The following LRP1B variants were observed in gnomAD, a reference collection of about 807,000 sequenced individuals.
The protein encoded by LRP1B is low-density lipoprotein receptor-related protein 1B.
LRP1B carries 217 observed loss-of-function variants against 556.6 expected under a neutral mutation model. That is an observed-to-expected ratio of 0.39 (90% CI 0.35 to 0.44). LRP1B has a LOEUF of 0.44. Among genes scored for constraint, LRP1B ranks in the 20% least tolerant of loss-of-function variants. The pLI, the probability that LRP1B is intolerant of heterozygous loss-of-function variation, is 1.00. For missense variants in LRP1B, 5,053 were observed against 5,620.8 expected (o/e 0.90, Z 3.23); for synonymous variants, 2,047 against 1,865.8 (o/e 1.10, Z -2.50).
intron 37 of LRP1B, among the ~76,000 whole-genome samples, chr2:140,713,909 C>T (rs1687122714): frequency 2.6e-5 from 4 of 152,088 alleles, no homozygotes; most frequent in African/African-American, 9.7e-5. Flanking sequence ...TTACTACCTG[C>T]TCTAATTATA....
chr2:141,342,272 A>AT (rs1459259689), intron 3 of LRP1B, among the ~76,000 whole-genome samples: 227 of 96,498 alleles, frequency 2.4e-3, no homozygotes, highest in African/African-American at 9.8e-3. Flanking sequence ...ATAAATAAAA[A>AT]TAAAATAAAT....
At chr2:140,672,440 C>T (rs1469042498) in intron 41 of LRP1B, among the ~76,000 whole-genome samples, 4 of 140,404 alleles carry the variant, frequency 2.8e-5, no homozygotes, top group African/African-American at 1.1e-4. Flanking sequence ...GCAGAAATCG[C>T]ACCATTGCAC....
At chr2:141,074,593 A>C (rs79125301) in intron 7 of LRP1B, among the ~76,000 whole-genome samples, 12,337 of 89,676 alleles carry the variant, frequency 0.14, 622 homozygotes, top group East Asian at 0.26. Flanking sequence ...CTCTCTCTAT[A>C]TATATATATA....
chr2:141,916,275 A>G (rs2104962891), intron 1 of LRP1B, among the ~76,000 whole-genome samples: 1 of 152,336 alleles, frequency 6.6e-6, no homozygotes, highest in Non-Finnish European at 1.5e-5. Flanking sequence ...TTGCAGCACC[A>G]TGGATGCACC....
chr2:140,297,581 G>A (rs1270059080), intron 84 of LRP1B, among the ~76,000 whole-genome samples: 1 of 152,108 alleles, frequency 6.6e-6, no homozygotes, highest in African/African-American at 2.4e-5. Context: ...TGTACACAGG[G>A]AATGGTTATA....
At chr2:140,839,479 G>A (rs1035979281) in intron 31 of LRP1B, among the ~76,000 whole-genome samples, 2 of 152,118 alleles carry the variant, frequency 1.3e-5, no homozygotes, top group African/African-American at 4.8e-5. Flanking sequence ...GTAAAAGCAG[G>A]CAGAGAAACA....
intron 7 of LRP1B, among the ~76,000 whole-genome samples, chr2:141,171,501 G>C (rs745824519): frequency 6.6e-6 from 1 of 151,994 alleles, no homozygotes; most frequent in Non-Finnish European, 1.5e-5. Flanking sequence ...TACAAACTTA[G>C]AGCTGTCTCA....
chr2:141,040,645 G>T (rs1194932554), intron 11 of LRP1B, among the ~76,000 whole-genome samples: 1 of 151,972 alleles, frequency 6.6e-6, no homozygotes, highest in Admixed American at 6.6e-5. Context: ...GTGTATGTGT[G>T]TGTCTGTGTG....
intron 7 of LRP1B, among the ~76,000 whole-genome samples, chr2:141,084,736 G>A (rs748446440): frequency 1.0e-4 from 15 of 149,708 alleles, no homozygotes; most frequent in Admixed American, 6.7e-4. Flanking sequence ...TGCAAGCTCC[G>A]CTTCCCGGGT....
chr2:141,538,869 C>T (rs571828530), intron 2 of LRP1B, among the ~76,000 whole-genome samples: 36 of 148,266 alleles, frequency 2.4e-4, no homozygotes, highest in African/African-American at 9.5e-4. Flanking sequence ...GAACTCATAA[C>T]CTCAGGTGAT....
chr2:141,806,029 A>C (rs1696158049), intron 2 of LRP1B, among the ~76,000 whole-genome samples: 1 of 152,106 alleles, frequency 6.6e-6, no homozygotes. Flanking sequence ...TTTGAATAGC[A>C]TGGCTAATAC....
intron 2 of LRP1B, among the ~76,000 whole-genome samples, chr2:141,617,962 G>T (rs1688370591): frequency 6.6e-6 from 1 of 152,042 alleles, no homozygotes; most frequent in South Asian, 2.1e-4. Flanking sequence ...GGACATCTAG[G>T]CTATTTTTCA....
chr2:140,705,521 CAAAAAAAAAAAAAAAAAAAAAAAAAAA>C (rs565447198), intron 37 of LRP1B, among the ~76,000 whole-genome samples: 1 of 68,228 alleles, frequency 1.5e-5, no homozygotes, highest in East Asian at 5.7e-4. Flanking sequence ...GAGACTGTCT[CAAAAAAAAAAAAAAAAAAAAAAAAAAA>C]AAAAAAAAAA....
intron 7 of LRP1B, among the ~76,000 whole-genome samples, chr2:141,153,305 TTA>T (rs1254301600): frequency 1.7e-5 from 2 of 120,326 alleles, no homozygotes; most frequent in East Asian, 2.3e-4. Flanking sequence ...ATATAATATA[TTA>T]TATATATTAG....
intron 32 of LRP1B, among the ~76,000 whole-genome samples, chr2:140,809,121 C>A (rs1237650148): frequency 1.3e-5 from 2 of 152,040 alleles, no homozygotes; most frequent in African/African-American, 2.4e-5. Flanking sequence ...GCTGAAGCAA[C>A]AACAGAAGGT....
chr2:140,741,357 T>A (rs1384971284), intron 35 of LRP1B, among the ~76,000 whole-genome samples: 1 of 152,086 alleles, frequency 6.6e-6, no homozygotes, highest in African/African-American at 2.4e-5. Flanking sequence ...CTACATATAA[T>A]AACTGAACAG....
chr2:141,803,279 A>C (rs1045370033), intron 2 of LRP1B, among the ~76,000 whole-genome samples: 1 of 151,380 alleles, frequency 6.6e-6, no homozygotes, highest in African/African-American at 2.4e-5. Flanking sequence ...GTGAGAGCAG[A>C]ATGAGGAGTA....
chr2:140,456,402 G>C (rs2105321518), intron 62 of LRP1B, 53 bp downstream of exon 62: 2 of 1,532,002 alleles, frequency 1.3e-6, no homozygotes. Context: ...CTAAACAAAA[G>C]AGCTGATGTT....
At chr2:141,957,521 G>A (rs1701290554) in intron 1 of LRP1B, among the ~76,000 whole-genome samples, 1 of 151,788 alleles carries the variant, frequency 6.6e-6, no homozygotes, top group South Asian at 2.1e-4. Context: ...GTATTAACTG[G>A]CCTGACAAGT....
Sources: gnomAD v4.1 joint callset for allele counts (sites outside exome capture counted in the v4.1 genomes callset) on GRCh38, gnomAD v4.1.1 for gene constraint, MANE v1.5 for transcripts, NCBI Gene and HGNC (gene_info 2026-07-23, HGNC 2026-07-21) for gene names.